Variants in MAP3K19 observed in about 807,000 individuals in gnomAD.
The protein encoded by MAP3K19 is SPS1/STE20-related protein kinase YSK4.
A neutral mutation model predicts 114.4 loss-of-function variants in MAP3K19; 91 were observed. That is an observed-to-expected ratio of 0.80 (90% CI 0.67 to 0.95). The LOEUF (loss-of-function observed/expected upper bound fraction) is 0.95, where lower values mean the gene tolerates loss of function less well. Ranked by LOEUF, MAP3K19 falls within the 40% of genes least tolerant of loss-of-function variation. MAP3K19 has a pLI of 0.00. For missense variants in MAP3K19, 1,471 were observed against 1,573.2 expected (o/e 0.94, Z 1.10); for synonymous variants, 518 against 530.5 (o/e 0.98, Z 0.32).
rs1685268309 is a variant in MAP3K19 at position 134,987,816 on chromosome 2, A to G, written c.1056T>C (p.His352=). ...CTTCAGGTTTTCGCGTTTTACTACC[A>G]TGGCAGTCAATATCCTCTTCCCTAA... The part of the protein sequence containing the change: ...PAVREEDIDC[H]GSKTRKPEEE... Residue 352 remains histidine, a synonymous_variant, in exon 10 of 13, where the codon CAT becomes CAC. Coordinates refer to ENST00000392915, the MANE Select transcript of MAP3K19 (RefSeq NM_025052.5). The G allele has an allele frequency of 6.2e-7, 1 of 1,608,514 alleles. No homozygotes were observed. Among genetic ancestry groups the G allele is most frequent in the Non-Finnish European group, 8.5e-7 (1 of 1,180,004 alleles).
At position 134,999,788 on chromosome 2, in the gene MAP3K19, T is replaced by A; in HGVS notation, c.314+149A>T. 1.6e-6 allele frequency: 1 copy of A among 620,202 alleles called. No individual in the cohort carries two copies. The highest frequency in any genetic ancestry group is 1.9e-5 in the South Asian group (1 of 51,432). The allele number at this position is 620,202 out of a possible 1,614,324, so 38.4% of individuals were successfully genotyped here. On this transcript the variant is annotated intron_variant, in intron 7 of 12. Transcript: ENST00000392915. This position sits in a 1 kb window ranked among gnomAD's most constrained non-coding sequence, Gnocchi z 4.1. ...ATATGGCCCACACAGCCAAAGTGTT[T>A]ATGATCTGGCCTCTGCCACATACTA...
At chr2:135,005,355 A>G in intron 6 of MAP3K19, 80 bp downstream of exon 6, 3 of 1,071,818 alleles carry the variant, frequency 2.8e-6, no homozygotes, top group Non-Finnish European at 2.9e-6. Flanking sequence ...AAACTTCTAC[A>G]ATAAGCCCTT....
chr2:135,025,429 A>G (rs569212206), intron 3 of MAP3K19, among the ~76,000 whole-genome samples: 5,759 of 119,146 alleles, frequency 0.048, 445 homozygotes, highest in African/African-American at 0.18. Context: ...TCTGTCACCC[A>G]GGCTGGAGTG....
intron 6 of MAP3K19, among the ~76,000 whole-genome samples, chr2:135,005,182 T>C (rs140167900): frequency 6.6e-5 from 10 of 152,298 alleles, no homozygotes; most frequent in Non-Finnish European, 1.2e-4. Context: ...AGCTCAGGGG[T>C]ACAAGTGCAG....
chr2:134,980,232 T>C (rs1323380352), intron 12 of MAP3K19, among the ~76,000 whole-genome samples: 1 of 152,216 alleles, frequency 6.6e-6, no homozygotes, highest in Non-Finnish European at 1.5e-5. Flanking sequence ...AAGATTTCTA[T>C]GAGCAGAGTA....
chr2:135,040,739 G>C (rs558365646), intron 1 of MAP3K19, among the ~76,000 whole-genome samples: 1 of 152,178 alleles, frequency 6.6e-6, no homozygotes, highest in South Asian at 2.1e-4. Flanking sequence ...TTGGTTCTTT[G>C]TGTACATGCT....
rs1439256748 is a variant in MAP3K19 at position 134,986,808 on chromosome 2, T to C, written c.2064A>G (p.Ile688Met). The C allele has an allele frequency of 6.2e-7, 1 of 1,614,082 alleles. No individual in the cohort carries two copies. Among genetic ancestry groups the C allele is most frequent in the Non-Finnish European group, 8.5e-7 (1 of 1,180,040 alleles). ...TACGTCTGCCTGATGGAGCCGAACA[T>C]ATCTCACGGTAATACGTGTTTTCAT... Reference protein sequence around the residue: ...ERDENTYYREICSAPSGRRIT... With the variant: ...ERDENTYYREMCSAPSGRRIT... The change falls in exon 10 of 13, where the codon ATA (isoleucine) becomes ATG (methionine). Residue 688 changes from isoleucine (I) to methionine (M), a missense_variant. By Grantham distance (10) the Ile-to-Met change is conservative (BLOSUM62 1). Transcript: ENST00000392915.
chr2:135,004,531 C>G (rs1686676623), intron 6 of MAP3K19, among the ~76,000 whole-genome samples: 1 of 152,142 alleles, frequency 6.6e-6, no homozygotes, highest in Non-Finnish European at 1.5e-5. Flanking sequence ...TCAAAGAGGG[C>G]GGCTTCCCTG....
At chr2:134,997,314 A>T (rs573385310) in intron 8 of MAP3K19, among the ~76,000 whole-genome samples, 3 of 152,338 alleles carry the variant, frequency 2.0e-5, no homozygotes, top group African/African-American at 7.2e-5. Flanking sequence ...AAAATAGAAT[A>T]GTGGTCACCA....
chr2:134,972,165 G>A (rs1683925745), intron 12 of MAP3K19, among the ~76,000 whole-genome samples: 1 of 151,406 alleles, frequency 6.6e-6, no homozygotes, highest in Non-Finnish European at 1.5e-5. Context: ...TCTCCCTGAT[G>A]TTCTATCAAA....
At position 135,018,203 on chromosome 2, in the gene MAP3K19, A is replaced by G. The variant is rs139144603; in HGVS notation, c.138+3512T>C. ...CTACTCCAGAGGCTGAGTTAGGACA[A>G]TCACTTGAACCCGGGCAGCGGAGGT... On this transcript the variant is annotated intron_variant, in intron 5 of 12. Coordinates refer to ENST00000392915, the MANE Select transcript of MAP3K19 (RefSeq NM_025052.5). Among the ~76,000 whole-genome samples, 81 of 150,344 alleles carry G rather than the reference A, an allele frequency of 5.4e-4. No homozygotes were observed. The East Asian group carries it at 0.012, about 23-fold the overall frequency.
chr2:135,022,951 A>T (rs1050618693), intron 4 of MAP3K19, among the ~76,000 whole-genome samples: 1 of 151,560 alleles, frequency 6.6e-6, no homozygotes, highest in East Asian at 1.9e-4. Context: ...CAAACAGCAG[A>T]CTCCCAGTTT....
chr2:134,990,255 A>G (rs1685466511), intron 9 of MAP3K19, among the ~76,000 whole-genome samples: 1 of 152,172 alleles, frequency 6.6e-6, no homozygotes, highest in Non-Finnish European at 1.5e-5. Context: ...CTTGAACAAC[A>G]GGGCTTCAAA....
intron 8 of MAP3K19, 77 bp from the exon 9 acceptor site, chr2:134,991,657 A>C: frequency 8.4e-7 from 1 of 1,187,674 alleles, no homozygotes; most frequent in South Asian, 1.2e-5. Flanking sequence ...CTGGGGATGG[A>C]GTAATACAGA....
At position 134,999,751 on chromosome 2, in the gene MAP3K19, ACAAC is replaced by A. The variant is rs1686304023; in HGVS notation, c.314+182_314+185del. ...ATGACAGTTGCAGAGTTGAATCATCACAACAGAGACCATATGGCCCACACAGCCA... is the reference window on the plus strand; with the variant it reads ...ATGACAGTTGCAGAGTTGAATCATCAAGAGACCATATGGCCCACACAGCCA... On this transcript the variant is annotated intron_variant, in intron 7 of 12. Coordinates refer to ENST00000392915, the MANE Select transcript of MAP3K19 (RefSeq NM_025052.5). This position sits in a 1 kb window ranked among gnomAD's most constrained non-coding sequence, Gnocchi z 4.1. Among the ~76,000 whole-genome samples, 1 of 139,462 alleles carries A rather than the reference ACAAC, an allele frequency of 7.2e-6. No homozygotes were observed. Among genetic ancestry groups the A allele is most frequent in the African/African-American group, 2.9e-5 (1 of 34,368 alleles). The allele number at this position is 139,462 out of a possible 152,430, so 91.5% of individuals were successfully genotyped here.
rs1292673040 is a variant in MAP3K19, at chr2:134,987,992, T to C, written c.880A>G (p.Lys294Glu). 15 of 1,614,194 alleles carry C rather than the reference T, an allele frequency of 9.3e-6. No individual in the cohort carries two copies. Among genetic ancestry groups the C allele is most frequent in the Non-Finnish European group, 1.3e-5 (15 of 1,180,032 alleles). Residue 294 changes from lysine to glutamate, a missense_variant, in exon 10 of 13, where the codon AAG becomes GAG. Coordinates refer to ENST00000392915, the MANE Select transcript of MAP3K19 (RefSeq NM_025052.5). ...IWSRNMCSFPKTNHHRQCLEK... is the reference protein window; with the variant it reads ...IWSRNMCSFPETNHHRQCLEK... Reference sequence around the variant, plus strand: ...AGGCATTGCCTGTGATGGTTAGTCTTAGGAAAAGAGCACATGTTTCTTGAC... The same window carrying C: ...AGGCATTGCCTGTGATGGTTAGTCTCAGGAAAAGAGCACATGTTTCTTGAC...
At chr2:135,035,013 G>C (rs1688496055) in intron 2 of MAP3K19, among the ~76,000 whole-genome samples, 1 of 152,132 alleles carries the variant, frequency 6.6e-6, no homozygotes, top group African/African-American at 2.4e-5. Flanking sequence ...CAACATGAAT[G>C]AACCTTGAAA....
intron 3 of MAP3K19, among the ~76,000 whole-genome samples, chr2:135,027,285 G>A (rs1688277534): frequency 6.8e-6 from 1 of 146,482 alleles, no homozygotes; most frequent in Non-Finnish European, 1.5e-5. Flanking sequence ...GAGAGAGAAA[G>A]GAAGGAAGGA....
intron 6 of MAP3K19, among the ~76,000 whole-genome samples, chr2:135,003,768 G>A (rs1270434264): frequency 6.6e-6 from 1 of 152,178 alleles, no homozygotes; most frequent in Non-Finnish European, 1.5e-5. Flanking sequence ...TGTCCAGGCT[G>A]GTCTTGAACT....
Sources: allele counts gnomAD v4.1 joint callset (sites outside exome capture counted in the v4.1 genomes callset), GRCh38; gene constraint gnomAD v4.1.1; non-coding constraint Gnocchi (gnomAD v3.1); transcripts MANE v1.5; gene names NCBI Gene and HGNC (gene_info 2026-07-23, HGNC 2026-07-21).